Variants in GALNTL6 observed in about 807,000 individuals in gnomAD.
GALNTL6 encodes the protein polypeptide N-acetylgalactosaminyltransferase-like 6.
Under a neutral mutation model 73.7 loss-of-function variants are expected in GALNTL6, and 46 were observed. That is an observed-to-expected ratio of 0.62 (90% confidence interval 0.49 to 0.80). The LOEUF is 0.80. GALNTL6 is among the 30% of genes least tolerant of loss of function. The pLI is 0.00. For synonymous variants in GALNTL6, 259 were observed against 263.7 expected (o/e 0.98, Z 0.17); for missense variants, 604 against 755.0 (o/e 0.80, Z 2.34).
At chr4:172,025,723 T>G (rs1042573334) in intron 2 of GALNTL6, among the ~76,000 whole-genome samples, 1 of 152,018 alleles carries the variant, frequency 6.6e-6, no homozygotes, top group Non-Finnish European at 1.5e-5. Context: ...TACCTTTTTA[T>G]TGGGCTTTGG....
intron 3 of GALNTL6, among the ~76,000 whole-genome samples, chr4:172,302,191 G>T (rs557927024): frequency 6.6e-6 from 1 of 152,306 alleles, no homozygotes; most frequent in South Asian, 2.1e-4. Flanking sequence ...TAATCTCCTG[G>T]TGTGCTGTTT....
At chr4:172,790,228 A>C (rs1262033287) in intron 5 of GALNTL6, among the ~76,000 whole-genome samples, 1 of 152,168 alleles carries the variant, frequency 6.6e-6, no homozygotes, top group African/African-American at 2.4e-5. Context: ...CATATTCACA[A>C]ATATATTTTC....
chr4:171,944,419 A>C (rs1738641961), intron 2 of GALNTL6, among the ~76,000 whole-genome samples: 4 of 152,156 alleles, frequency 2.6e-5, no homozygotes, highest in Non-Finnish European at 5.9e-5. Context: ...TGAGATTAAT[A>C]TCAGGTTTAC....
At chr4:173,037,968 C>T (rs1473013809) in intron 12 of GALNTL6, among the ~76,000 whole-genome samples, 3 of 152,302 alleles carry the variant, frequency 2.0e-5, no homozygotes, top group Admixed American at 6.5e-5. Context: ...GTCTCGAATT[C>T]CTGGCCTCAT....
chr4:172,135,582 T>C lies in GALNTL6; in HGVS notation c.139-94074T>C, dbSNP rs534168451. Among the ~76,000 whole-genome samples, 10 of 152,292 alleles carry C rather than the reference T, an allele frequency of 6.6e-5. No homozygotes were observed. In the East Asian group the frequency reaches 1.4e-3, roughly 21 times the overall value. On this transcript the variant is annotated intron_variant, in intron 2 of 12. Transcript: ENST00000506823. ...TAGTTAGCGTCCTTCAGGGCTTCAA[T>C]TGGCTATTGCAATAATTTTACCATT...
In GALNTL6 at chr4:171,990,035, G is replaced by A. The variant is rs149962524; in HGVS notation, c.138+175317G>A. Among the ~76,000 whole-genome samples the A allele has an allele frequency of 2.2e-3, 328 of 152,254 alleles. 2 individuals are homozygous for A. Among genetic ancestry groups the A allele is most frequent in the African/African-American group, 7.7e-3 (318 of 41,552 alleles). On this transcript the variant is annotated intron_variant, in intron 2 of 12. Transcript: ENST00000506823. ...AGTAAGCTGGACCAGGTGTGAGGAG[G>A]GGAGGTGATAAAAGGATTATAGGGT...
intron 2 of GALNTL6, among the ~76,000 whole-genome samples, chr4:171,945,124 T>C (rs1738663980): frequency 6.6e-6 from 1 of 152,076 alleles, no homozygotes; most frequent in Admixed American, 6.6e-5. Context: ...GAAGTGTTTA[T>C]TTGAACAGAA....
intron 2 of GALNTL6, among the ~76,000 whole-genome samples, chr4:172,208,865 A>G (rs1194814448): frequency 6.6e-6 from 1 of 152,144 alleles, no homozygotes; most frequent in Admixed American, 6.5e-5. Flanking sequence ...AAGAACCATT[A>G]TCTTCAAATA....
chr4:171,903,452 A>C (rs115351370), intron 2 of GALNTL6, among the ~76,000 whole-genome samples: 2,066 of 152,164 alleles, frequency 0.014, 42 homozygotes, highest in African/African-American at 0.047. Context: ...AAAAAACGGC[A>C]CACCAGGAGA....
intron 2 of GALNTL6, among the ~76,000 whole-genome samples, chr4:171,980,617 G>A (rs909771460): frequency 2.0e-5 from 3 of 152,126 alleles, no homozygotes; most frequent in Admixed American, 6.5e-5. Flanking sequence ...TGAAGAAGGC[G>A]ACATCAAACT....
intron 5 of GALNTL6, among the ~76,000 whole-genome samples, chr4:172,513,435 C>A (rs1734494577): frequency 6.6e-6 from 1 of 152,096 alleles, no homozygotes; most frequent in South Asian, 2.1e-4. Flanking sequence ...GATATTTATT[C>A]TTGGTTTGGA....
intron 2 of GALNTL6, among the ~76,000 whole-genome samples, chr4:171,970,414 G>A (rs1739532063): frequency 6.6e-6 from 1 of 152,198 alleles, no homozygotes. Context: ...AGGAATACTA[G>A]TGATGGATCT....
At chr4:172,031,894 C>A (rs189787443) in intron 2 of GALNTL6, among the ~76,000 whole-genome samples, 3 of 151,906 alleles carry the variant, frequency 2.0e-5, no homozygotes, top group Admixed American at 6.6e-5. Context: ...TACCTGAAAA[C>A]GGAATTAGAG....
intron 10 of GALNTL6, among the ~76,000 whole-genome samples, chr4:172,987,746 TG>T (rs77728127): frequency 0.8 from 121,889 of 151,888 alleles, 49,587 homozygotes; most frequent in Middle Eastern, 0.91. Flanking sequence ...TGTTTAAAAG[TG>T]TGTAGCACCT....
chr4:172,930,146 C>T (rs923462816), intron 8 of GALNTL6, among the ~76,000 whole-genome samples: 16 of 152,022 alleles, frequency 1.1e-4, no homozygotes, highest in South Asian at 4.1e-4. Context: ...AGCGTGGTAG[C>T]GGGCACCTAT....
intron 2 of GALNTL6, among the ~76,000 whole-genome samples, chr4:172,199,229 T>C (rs533014746): frequency 1.3e-5 from 2 of 152,226 alleles, no homozygotes; most frequent in Non-Finnish European, 2.9e-5. Context: ...TTCTTCATTA[T>C]TAAATGGGTA....
chr4:172,293,646 A>G (rs758332241), intron 3 of GALNTL6, among the ~76,000 whole-genome samples: 4 of 151,964 alleles, frequency 2.6e-5, no homozygotes, highest in Non-Finnish European at 5.9e-5. Flanking sequence ...TATGTGGGGA[A>G]GAGGTCCAGA....
At chr4:172,748,293 G>A (rs1056702360) in intron 5 of GALNTL6, among the ~76,000 whole-genome samples, 15 of 151,912 alleles carry the variant, frequency 9.9e-5, no homozygotes, top group Non-Finnish European at 1.6e-4. Flanking sequence ...ATCGCAGTAC[G>A]CACTCACACA....
intron 2 of GALNTL6, among the ~76,000 whole-genome samples, chr4:172,061,870 A>G (rs993049134): frequency 6.6e-6 from 1 of 151,970 alleles, no homozygotes; most frequent in Non-Finnish European, 1.5e-5. Context: ...GCATACGCCA[A>G]CATTGCACTG....
Sources: gnomAD v4.1 joint callset for allele counts (sites outside exome capture counted in the v4.1 genomes callset) on GRCh38, gnomAD v4.1.1 for gene constraint, MANE v1.5 for transcripts, NCBI Gene and HGNC (gene_info 2026-07-23, HGNC 2026-07-21) for gene names.